ASTN2: variants seen among roughly 807,000 people sequenced by gnomAD.
The protein encoded by ASTN2 is astrotactin 2, also known as astrotactin-2.
In ASTN2, 54 loss-of-function variants were observed where a neutral mutation model predicts 139.8. The observed-to-expected ratio is 0.39, with a 90% confidence interval of 0.31 to 0.48. The LOEUF (loss-of-function observed/expected upper bound fraction) is 0.48, where lower values mean the gene tolerates loss of function less well. Ranked by LOEUF, ASTN2 falls within the 20% of genes least tolerant of loss-of-function variation. The probability of loss-of-function intolerance (pLI) is 0.95; values close to 1 mark genes in which losing one functional copy is unlikely to be tolerated. For missense variants in ASTN2, 1,565 were observed against 1,725.1 expected (o/e 0.91, Z 1.64); for synonymous variants, 756 against 719.5 (o/e 1.05, Z -0.81).
intron 20 of ASTN2, among the ~76,000 whole-genome samples, chr9:116,455,665 A>G (rs1276667677): frequency 6.6e-6 from 1 of 152,032 alleles, no homozygotes; most frequent in Non-Finnish European, 1.5e-5. Context: ...CCCTGAAAGT[A>G]CTACTACTGG....
chr9:116,821,874 A>G (rs1034325955), intron 11 of ASTN2, among the ~76,000 whole-genome samples: 1 of 152,030 alleles, frequency 6.6e-6, no homozygotes, highest in Non-Finnish European at 1.5e-5. Flanking sequence ...GATTAAATTT[A>G]GTTTTCCATC....
At chr9:116,668,194 G>A (rs1253227460) in intron 16 of ASTN2, among the ~76,000 whole-genome samples, 1 of 143,032 alleles carries the variant, frequency 7.0e-6, no homozygotes, top group African/African-American at 2.8e-5. Context: ...TTTCAGATTG[G>A]CTTTTTTTTT....
intron 1 of ASTN2, among the ~76,000 whole-genome samples, chr9:117,398,160 G>A (rs1052353185): frequency 3.3e-5 from 5 of 152,114 alleles, no homozygotes. Flanking sequence ...AGACCTACAG[G>A]AAATCTTGAG....
At chr9:117,091,733 AG>A in intron 5 of ASTN2, among the ~76,000 whole-genome samples, 1 of 152,272 alleles carries the variant, frequency 6.6e-6, no homozygotes, top group Admixed American at 6.5e-5. Flanking sequence ...GGAGAGAGTC[AG>A]GGCAAGATCA....
At chr9:117,118,291 T>C (rs1184050992) in intron 4 of ASTN2, among the ~76,000 whole-genome samples, 2 of 152,168 alleles carry the variant, frequency 1.3e-5, no homozygotes, top group East Asian at 1.9e-4. Context: ...ACTGGCCCAG[T>C]TGCCCCCATC....
intron 16 of ASTN2, among the ~76,000 whole-genome samples, chr9:116,672,200 C>T (rs953688206): frequency 5.3e-5 from 8 of 151,892 alleles, no homozygotes; most frequent in African/African-American, 1.9e-4. Flanking sequence ...ATGGTGAAAC[C>T]CCATATCTAC....
intron 16 of ASTN2, 66 bp from the exon 17 acceptor site, chr9:116,651,859 G>C (rs1394639789): frequency 3.9e-6 from 6 of 1,553,494 alleles, no homozygotes; most frequent in Non-Finnish European, 5.2e-6. Context: ...CCAGACTCTT[G>C]AATTCACAAA....
At chr9:116,467,027 C>T (rs927784091) in intron 20 of ASTN2, among the ~76,000 whole-genome samples, 6 of 152,044 alleles carry the variant, frequency 3.9e-5, no homozygotes, top group African/African-American at 1.4e-4. Flanking sequence ...ATGTTCCTGC[C>T]TCTCACCAGA....
At chr9:117,369,270 T>A (rs1829929043) in intron 1 of ASTN2, among the ~76,000 whole-genome samples, 3 of 152,198 alleles carry the variant, frequency 2.0e-5, no homozygotes, top group Admixed American at 2.0e-4. Context: ...TGATTCATTA[T>A]ATTTGGGTAG....
intron 10 of ASTN2, among the ~76,000 whole-genome samples, chr9:116,889,163 T>A (rs1833694461): frequency 6.6e-6 from 1 of 152,032 alleles, no homozygotes; most frequent in Non-Finnish European, 1.5e-5. Flanking sequence ...GGATTACAGA[T>A]GTGAGCCATT....
Position 116,956,690 on chromosome 9 carries a change from A to G in ASTN2, c.1889+18518T>C, listed in dbSNP as rs1163653361. 8.5e-5 allele frequency among the ~76,000 whole-genome samples: 13 copies of G among 152,090 alleles called. No individual in the cohort carries two copies. The South Asian group carries it at 2.1e-3, about 24-fold the overall frequency. On this transcript the variant is annotated intron_variant, in intron 10 of 22. Coordinates refer to ENST00000313400, the MANE Select transcript of ASTN2 (RefSeq NM_001365068.1). ...AACCCCAAGGAACATACATACATAC[A>G]TACACACACAATTAGAATTAATAAA...
chr9:116,535,979 A>G (rs1311072272), intron 19 of ASTN2, among the ~76,000 whole-genome samples: 1 of 152,110 alleles, frequency 6.6e-6, no homozygotes, highest in African/African-American at 2.4e-5. Flanking sequence ...TCTCCCCGTC[A>G]CTTTCAGGTA....
intron 6 of ASTN2, among the ~76,000 whole-genome samples, chr9:117,026,169 T>G (rs1286938777): frequency 6.6e-6 from 1 of 152,114 alleles, no homozygotes; most frequent in Non-Finnish European, 1.5e-5. Flanking sequence ...TGGTCTCACA[T>G]CGGGATGCTG....
chr9:116,824,207 G>C (rs998435449), intron 11 of ASTN2, among the ~76,000 whole-genome samples: 1 of 152,134 alleles, frequency 6.6e-6, no homozygotes, highest in African/African-American at 2.4e-5. Context: ...TAAATAGTAC[G>C]GTAGCCAGCT....
chr9:116,484,262 T>C (rs1489810547), intron 20 of ASTN2, among the ~76,000 whole-genome samples: 1 of 152,028 alleles, frequency 6.6e-6, no homozygotes, highest in East Asian at 1.9e-4. Flanking sequence ...TTTGTGGAGT[T>C]TTCAAAGTCA....
intron 5 of ASTN2, among the ~76,000 whole-genome samples, chr9:117,060,340 A>AAGAG (rs1240197845): frequency 2.7e-5 from 2 of 74,226 alleles, no homozygotes; most frequent in South Asian, 5.6e-4. Context: ...GAAAGAAAGA[A>AAGAG]AGAGAGAAAG....
rs1397327162 is a variant in ASTN2, at chr9:116,699,566, T to C, written c.2806+26205A>G. Reference sequence around the variant, plus strand: ...TCCATTTTCCTAAGGGTGGGGGCTATAGTGTCCTTATTCGAGAGGGACTTA... The same window carrying C: ...TCCATTTTCCTAAGGGTGGGGGCTACAGTGTCCTTATTCGAGAGGGACTTA... On this transcript the variant is annotated intron_variant, in intron 16 of 22. Transcript: ENST00000313400. The surrounding 1 kb of genome is among the most constrained non-coding windows in gnomAD (Gnocchi z 4.2). 5.0e-6 allele frequency: 8 copies of C among 1,614,214 alleles called. No individual in the cohort carries two copies. The South Asian group carries it at 7.7e-5, about 16-fold the overall frequency.
At chr9:116,629,080 G>A (rs759104288) in intron 17 of ASTN2, among the ~76,000 whole-genome samples, 10 of 151,492 alleles carry the variant, frequency 6.6e-5, no homozygotes, top group African/African-American at 1.2e-4. Flanking sequence ...AACAATTTGC[G>A]GAGGCAGCAG....
intron 10 of ASTN2, among the ~76,000 whole-genome samples, chr9:116,918,028 G>T (rs539137625): frequency 1.3e-5 from 2 of 152,206 alleles, no homozygotes; most frequent in East Asian, 3.9e-4. Flanking sequence ...GATCTGATGG[G>T]TTTATCAGGG....
Sources: gnomAD v4.1 joint callset for allele counts (sites outside exome capture counted in the v4.1 genomes callset) on GRCh38, gnomAD v4.1.1 for gene constraint, Gnocchi (gnomAD v3.1) non-coding constraint, MANE v1.5 for transcripts, NCBI Gene and HGNC (gene_info 2026-07-23, HGNC 2026-07-21) for gene names.